MRPL50: variants seen among roughly 807,000 people sequenced by gnomAD.
MRPL50 encodes large ribosomal subunit protein mL50.
A neutral mutation model predicts 16.2 loss-of-function variants in MRPL50; 10 were observed. The ratio of observed to expected loss-of-function variants is 0.62; its 90% confidence interval spans 0.38 to 1.05. MRPL50 has a LOEUF of 1.05. MRPL50 is among the 50% of genes least tolerant of loss of function. The pLI, the probability that MRPL50 is intolerant of heterozygous loss-of-function variation, is 0.01. For synonymous variants in MRPL50, 68 were observed against 66.8 expected, an observed-to-expected ratio of 1.02 and a Z score of -0.09; for missense variants, 213 against 187.1, an observed-to-expected ratio of 1.14 and a Z score of -0.81.
rs1830219917 is a variant in MRPL50, at chr9:101,387,672, AT to A, written c.*2793del. ...GTTTATTTTATGCAGTTTAAAACAT[AT>A]ATTACATATGTAAAACCATTCTATT... is the stretch of plus-strand genomic sequence containing the variant. On this transcript the variant is annotated 3_prime_UTR_variant, in exon 2 of 2. Coordinates refer to ENST00000374865, the MANE Select transcript of MRPL50 (RefSeq NM_019051.3). 1 of 152,154 alleles carries A rather than the reference AT, an allele frequency of 6.6e-6. No individual in the cohort carries two copies. Among genetic ancestry groups the A allele is most frequent in the Non-Finnish European group, 1.5e-5 (1 of 68,006 alleles). The allele number at this position is 152,154 out of a possible 1,614,324, so 9.4% of individuals were successfully genotyped here.
intron 1 of MRPL50, among the ~76,000 whole-genome samples, chr9:101,395,885 A>G (rs1008437322): frequency 6.6e-6 from 1 of 152,206 alleles, no homozygotes; most frequent in Non-Finnish European, 1.5e-5. Flanking sequence ...TGATTTCACA[A>G]TTGGGTGACT....
In MRPL50 at chr9:101,388,020, G is replaced by A. The variant is rs971368322; in HGVS notation, c.*2446C>T. On this transcript the variant is annotated 3_prime_UTR_variant, in exon 2 of 2. Coordinates refer to ENST00000374865, the MANE Select transcript of MRPL50 (RefSeq NM_019051.3). ...TCCCTGTTAGGATGTGTTTACCCTC[G>A]TCGGCTAAATTTACCAAGACTGTTG... is the stretch of plus-strand genomic sequence containing the variant. 4.0e-5 allele frequency: 6 copies of A among 151,818 alleles called. No individual in the cohort carries two copies. The highest frequency in any genetic ancestry group is 9.7e-5 in the African/African-American group (4 of 41,332). The allele number at this position is 151,818 out of a possible 1,614,324, so 9.4% of individuals were successfully genotyped here.
rs1249023362 is a variant in MRPL50 at position 101,389,837 on chromosome 9, C to T, written c.*629G>A. ...ATTAGACATAGAATCTGGCACATCT[C>T]TTATGAGGAAGAGTCACAGCACTCA... On this transcript the variant is annotated 3_prime_UTR_variant, in exon 2 of 2. Transcript: ENST00000374865. 1 of 228,746 alleles carries T rather than the reference C, an allele frequency of 4.4e-6. No individual in the cohort carries two copies. Among genetic ancestry groups the T allele is most frequent in the Non-Finnish European group, 7.3e-6 (1 of 136,966 alleles). The allele number at this position is 228,746 out of a possible 1,614,324, so 14.2% of individuals were successfully genotyped here.
At chr9:101,397,735 T>C (rs910689344) in intron 1 of MRPL50, among the ~76,000 whole-genome samples, 2 of 152,232 alleles carry the variant, frequency 1.3e-5, no homozygotes, top group African/African-American at 4.8e-5. Context: ...TTCCTAATTG[T>C]AGTGGTTTTT....
rs969413927 is a variant in MRPL50, at chr9:101,390,153, T to C, written c.*313A>G. The C allele has an allele frequency of 3.7e-5, 40 of 1,072,748 alleles. No homozygotes were observed. Among genetic ancestry groups the C allele is most frequent in the Non-Finnish European group, 4.5e-5 (40 of 885,476 alleles). 66.5% of individuals were successfully genotyped at this position (1,072,748 alleles called of 1,614,324 possible). On this transcript the variant is annotated 3_prime_UTR_variant, in exon 2 of 2. Coordinates refer to ENST00000374865, the MANE Select transcript of MRPL50 (RefSeq NM_019051.3). Reference sequence around the variant, plus strand: ...AAAATACTTTCTTGCAACTACTTTATGCTTATGAAAGGTGTGAACTTGCAA... The same window carrying C: ...AAAATACTTTCTTGCAACTACTTTACGCTTATGAAAGGTGTGAACTTGCAA...
At position 101,389,928 on chromosome 9, in the gene MRPL50, G is replaced by A. The variant is rs551931832; in HGVS notation, c.*538C>T. The stretch of plus-strand genomic sequence containing the variant: ...CTGGAAAGAAATGGCAAGGCAGAGC[G>A]CAAGCAAATTTCACTTAAAAAATTT... On this transcript the variant is annotated 3_prime_UTR_variant, in exon 2 of 2. Transcript: ENST00000374865. The A allele has an allele frequency of 2.7e-5, 22 of 826,548 alleles. No individual in the cohort carries two copies. The highest frequency in any genetic ancestry group is 1.3e-3 in the Middle Eastern group (2 of 1,596). The allele number at this position is 826,548 out of a possible 1,614,324, so 51.2% of individuals were successfully genotyped here. A position where few individuals can be genotyped will look rare whatever the true frequency, so the allele number is the denominator to read the frequency against.
rs1477156259 is a variant in MRPL50, at chr9:101,398,559, T to G, written c.34A>C (p.Arg12=). The G allele has an allele frequency of 1.2e-6, 2 of 1,614,086 alleles. No homozygotes were observed. Among genetic ancestry groups the G allele is most frequent in the East Asian group, 4.5e-5 (2 of 44,876 alleles). The change falls in exon 1 of 2, where the codon AGA becomes CGA. Residue 12 remains arginine (R), a synonymous_variant. Transcript: ENST00000374865. ...AARSVSGITR[R]VFMWTVSGTP... The stretch of plus-strand genomic sequence containing the variant: ...CCTGAGACTGTCCACATGAAGACTC[T>G]TCTGGTAATGCCCGACACAGATCGC...
chr9:101,394,164 C>T (rs1830310723), intron 1 of MRPL50, among the ~76,000 whole-genome samples: 1 of 152,160 alleles, frequency 6.6e-6, no homozygotes, highest in Admixed American at 6.5e-5. Flanking sequence ...AAAGACCTCC[C>T]TCTTGCCTGG....
chr9:101,395,864 G>A (rs1337996347), intron 1 of MRPL50, among the ~76,000 whole-genome samples: 2 of 150,892 alleles, frequency 1.3e-5, no homozygotes, highest in East Asian at 3.9e-4. Context: ...AAAAGAGTAA[G>A]TTCTAGTGTT....
chr9:101,395,743 T>C (rs968140808), intron 1 of MRPL50, among the ~76,000 whole-genome samples: 3 of 149,800 alleles, frequency 2.0e-5, no homozygotes, highest in Non-Finnish European at 4.4e-5. Flanking sequence ...TAGTAATAAA[T>C]TGATGGTTAC....
rs958038462 is a variant in MRPL50, at chr9:101,398,535, C to G, written c.58G>C (p.Gly20Arg). 6 of 1,614,146 alleles carry G rather than the reference C, an allele frequency of 3.7e-6. No homozygotes were observed. The highest frequency in any genetic ancestry group is 5.1e-6 in the Non-Finnish European group (6 of 1,180,028). The change falls in exon 1 of 2, where the codon GGG becomes CGG. Residue 20 changes from glycine (G) to arginine (R), a missense_variant. Physicochemically the swap from Gly to Arg is moderately radical, Grantham distance 125. Coordinates refer to ENST00000374865, the MANE Select transcript of MRPL50 (RefSeq NM_019051.3). The stretch of plus-strand genomic sequence containing the variant: ...GACCAAAATTCTCTACATGGTGTCC[C>G]TGAGACTGTCCACATGAAGACTCTT... The part of the protein sequence containing the change: ...TRRVFMWTVS[G>R]TPCREFWSRF...
At chr9:101,395,821 G>A (rs960215138) in intron 1 of MRPL50, among the ~76,000 whole-genome samples, 4 of 151,412 alleles carry the variant, frequency 2.6e-5, no homozygotes, top group South Asian at 4.3e-4. Context: ...CAGTTAAAAG[G>A]AGTAATACAG....
chr9:101,390,738 G>T lies in MRPL50; in HGVS notation c.205C>A (p.Arg69Ser). ...ACTTCTTTAACGTAAGATTCCAAAC[G>T]ACTCTGGAGATCTTCAGGTGGTGTG... ...AYTPPEDLQS[R>S]LESYVKEVFG... The change falls in exon 2 of 2, where the codon CGT becomes AGT. Residue 69 changes from arginine to serine, a missense_variant. Transcript: ENST00000374865. 6.2e-7 allele frequency: 1 copy of T among 1,613,524 alleles called. No homozygotes were observed. Among genetic ancestry groups the T allele is most frequent in the South Asian group, 1.1e-5 (1 of 91,036 alleles).
chr9:101,388,451 C>A lies in MRPL50; in HGVS notation c.*2015G>T, dbSNP rs1254048464. 1 of 152,052 alleles carries A rather than the reference C, an allele frequency of 6.6e-6. No homozygotes were observed. Among genetic ancestry groups the A allele is most frequent in the Admixed American group, 6.6e-5 (1 of 15,238 alleles). The allele number at this position is 152,052 out of a possible 1,614,324, so 9.4% of individuals were successfully genotyped here. A position where few individuals can be genotyped will look rare whatever the true frequency, so the allele number is the denominator to read the frequency against. On this transcript the variant is annotated 3_prime_UTR_variant, in exon 2 of 2. Coordinates refer to ENST00000374865, the MANE Select transcript of MRPL50 (RefSeq NM_019051.3). ...GAAAATGAGATAATGAAATCCTGTA[C>A]ATAAAATTCCAATGATTCCATGCTG...
rs778075049 is a variant in MRPL50 at position 101,389,403 on chromosome 9, T to G, written c.*1063A>C. On this transcript the variant is annotated 3_prime_UTR_variant, in exon 2 of 2. Coordinates refer to ENST00000374865, the MANE Select transcript of MRPL50 (RefSeq NM_019051.3). Reference sequence around the variant, plus strand: ...GCCTGTGGATGATATTTGTAGGGCATGTCTATACTGTTAACTAATTTTCTT... The same window carrying G: ...GCCTGTGGATGATATTTGTAGGGCAGGTCTATACTGTTAACTAATTTTCTT... The G allele has an allele frequency of 8.4e-7, 1 of 1,193,334 alleles. No individual in the cohort carries two copies. Among genetic ancestry groups the G allele is most frequent in the Admixed American group, 2.3e-5 (1 of 42,898 alleles). 73.9% of individuals were successfully genotyped at this position (1,193,334 alleles called of 1,614,324 possible). A position where few individuals can be genotyped will look rare whatever the true frequency, so the allele number is the denominator to read the frequency against.
chr9:101,389,674 C>A lies in MRPL50; in HGVS notation c.*792G>T. 3.3e-6 allele frequency: 1 copy of A among 299,984 alleles called. No homozygotes were observed. The highest frequency in any genetic ancestry group is 6.1e-6 in the Non-Finnish European group (1 of 162,628). 18.6% of individuals were successfully genotyped at this position (299,984 alleles called of 1,614,324 possible). On this transcript the variant is annotated 3_prime_UTR_variant, in exon 2 of 2. Coordinates refer to ENST00000374865, the MANE Select transcript of MRPL50 (RefSeq NM_019051.3). ...TCATTCAGAACCATCTGATAACCTG[C>A]TATTTAAGTAATTTCCACAAATTGA...
chr9:101,396,600 T>C (rs922595933), intron 1 of MRPL50, among the ~76,000 whole-genome samples: 2 of 152,136 alleles, frequency 1.3e-5, no homozygotes, highest in Admixed American at 6.5e-5. Flanking sequence ...CTAAGAGAAA[T>C]AAGCCAGACA....
rs1249872971 is a variant in MRPL50, at chr9:101,389,579, T to G, written c.*887A>C. ...TCAGCAGTCAGAACAATATAAGACA[T>G]TCCTTCTGTCTCATTACTCTCCAGC... On this transcript the variant is annotated 3_prime_UTR_variant, in exon 2 of 2. Transcript: ENST00000374865. 8.8e-6 allele frequency: 7 copies of G among 794,758 alleles called. No individual in the cohort carries two copies. In the South Asian group the frequency reaches 1.1e-4, roughly 13 times the overall value. 49.2% of individuals were successfully genotyped at this position (794,758 alleles called of 1,614,324 possible).
Position 101,390,836 on chromosome 9 carries a change from G to A in MRPL50, c.107C>T (p.Pro36Leu), listed in dbSNP as rs779298573. Residue 36 changes from proline to leucine, a missense_variant, in exon 2 of 2, where the codon CCA (proline) becomes CTA (leucine). Coordinates refer to ENST00000374865, the MANE Select transcript of MRPL50 (RefSeq NM_019051.3). ...FWSRFRKEKE[P>L]VVVETVEEKK... Reference sequence around the variant, plus strand: ...CTCTTCTACTGTCTCAACAACCACTGGCTCTTTCTCTTTTCTGGAATGATC... The same window carrying A: ...CTCTTCTACTGTCTCAACAACCACTAGCTCTTTCTCTTTTCTGGAATGATC... The A allele has an allele frequency of 3.1e-6, 5 of 1,594,746 alleles. No individual in the cohort carries two copies. Among genetic ancestry groups the A allele is most frequent in the Admixed American group, 1.8e-5 (1 of 55,382 alleles).
Sources: allele counts gnomAD v4.1 joint callset (sites outside exome capture counted in the v4.1 genomes callset), GRCh38; gene constraint gnomAD v4.1.1; transcripts MANE v1.5; gene names NCBI Gene and HGNC (gene_info 2026-07-23, HGNC 2026-07-21).